TCP11: variants seen among roughly 807,000 people sequenced by gnomAD.
TCP11 encodes the protein t-complex 11, also known as T-complex protein 11 homolog.
A neutral mutation model predicts 45.0 loss-of-function variants in TCP11; 34 were observed. The ratio of observed to expected loss-of-function variants is 0.76; its 90% CI spans 0.57 to 1.01. The LOEUF (loss-of-function observed/expected upper bound fraction) is 1.01. Among genes scored for constraint, TCP11 ranks in the 50% least tolerant of loss-of-function variants. The probability of loss-of-function intolerance (pLI) is 0.00; values close to 1 mark genes in which losing one functional copy is unlikely to be tolerated. For missense variants in TCP11, 523 were observed against 598.1 expected, an observed-to-expected ratio of 0.87 and a Z score of 1.31; for synonymous variants, 227 against 227.0, an observed-to-expected ratio of 1.00 and a Z score of 0.00.
chr6:35,139,262 T>G (rs887055633), intron 2 of TCP11, among the ~76,000 whole-genome samples: 5 of 151,764 alleles, frequency 3.3e-5, no homozygotes, highest in African/African-American at 1.2e-4. Flanking sequence ...GTTGCAATTT[T>G]AAAAGGCAGG....
intron 3 of TCP11, among the ~76,000 whole-genome samples, chr6:35,133,481 C>T (rs910144176): frequency 3.3e-5 from 5 of 151,984 alleles, no homozygotes; most frequent in Non-Finnish European, 5.9e-5. Context: ...CTGTGCCTGA[C>T]CAAGAACTGT....
rs745917876 is a variant in TCP11, at chr6:35,136,236, T to C, written c.125-18A>G. 2 of 1,593,934 alleles carry C rather than the reference T, an allele frequency of 1.3e-6. No individual in the cohort carries two copies. Among genetic ancestry groups the C allele is most frequent in the Non-Finnish European group, 1.7e-6 (2 of 1,163,378 alleles). ...AGAAAGAACTGATGGTGGACAACAATGAGCCCATGCAAGTCTGAATTTCTA... is the reference window on the plus strand; with the variant it reads ...AGAAAGAACTGATGGTGGACAACAACGAGCCCATGCAAGTCTGAATTTCTA... On this transcript the variant is annotated intron_variant, in intron 2 of 9. Transcript: ENST00000311875.
chr6:35,119,437 G>A (rs1778990605), intron 8 of TCP11, 46 bp from the exon 9 acceptor site: 1 of 1,602,210 alleles, frequency 6.2e-7, no homozygotes. Context: ...GGTAACCCTG[G>A]CATAGGCCCA....
chr6:35,118,479 G>C lies in TCP11; in HGVS notation c.1302C>G (p.Leu434=). The C allele has an allele frequency of 1.2e-6, 2 of 1,613,994 alleles. No individual in the cohort carries two copies. Among genetic ancestry groups the C allele is most frequent in the Non-Finnish European group, 1.7e-6 (2 of 1,179,974 alleles). ...SVIDQRIHLF[L]KCCLVLGVQR... is the part of the protein sequence containing the mutation. ...GCACACCAAGAACCAAACAGCATTT[G>C]AGAAACAAATGGATCCGCTGATCTG... The change falls in exon 10 of 10, where the codon CTC becomes CTG. Residue 434 remains leucine (L), a synonymous_variant. Coordinates refer to ENST00000311875, the MANE Select transcript of TCP11 (RefSeq NM_001370687.1).
chr6:35,131,324 T>C (rs1340799400), intron 3 of TCP11, among the ~76,000 whole-genome samples: 2 of 151,300 alleles, frequency 1.3e-5, no homozygotes, highest in African/African-American at 2.4e-5. Flanking sequence ...TCCCAGCACT[T>C]TGGGGGGCCG....
intron 3 of TCP11, among the ~76,000 whole-genome samples, chr6:35,131,025 T>C (rs1271855250): frequency 6.6e-6 from 1 of 152,104 alleles, no homozygotes; most frequent in Non-Finnish European, 1.5e-5. Context: ...GATAAAAAAA[T>C]GATTTGGGAG....
intron 1 of TCP11, 124 bp downstream of exon 1, chr6:35,141,081 G>T: frequency 3.2e-6 from 4 of 1,245,900 alleles, no homozygotes; most frequent in Non-Finnish European, 4.1e-6. Flanking sequence ...CGGCAACGAG[G>T]AAACTAAAGC....
At chr6:35,130,142 T>A (rs1780236161) in intron 3 of TCP11, among the ~76,000 whole-genome samples, 1 of 151,932 alleles carries the variant, frequency 6.6e-6, no homozygotes, top group South Asian at 2.1e-4. Context: ...CAACTAGATA[T>A]CTAAATACAA....
In TCP11 at chr6:35,140,771, T is replaced by C; in HGVS notation, c.100A>G (p.Ser34Gly). ...CAGGGAGGGGGGTCCTCGGAGCCGC[T>C]CTTGTCTTCCTGGGGGGGTCCTGAG... Reference protein sequence around the residue: ...ETSGPPQEDKSGSEDPPPFLS... With the variant: ...ETSGPPQEDKGGSEDPPPFLS... The change falls in exon 2 of 10, where the codon AGC (serine) becomes GGC (glycine). Residue 34 changes from serine (S) to glycine (G), a missense_variant. Transcript: ENST00000311875. The C allele has an allele frequency of 6.5e-7, 1 of 1,530,784 alleles. No homozygotes were observed. The highest frequency in any genetic ancestry group is 1.3e-5 in the South Asian group (1 of 75,898). 94.8% of individuals were successfully genotyped at this position (1,530,784 alleles called of 1,614,324 possible).
In TCP11 at chr6:35,118,382, A is replaced by G; in HGVS notation, c.1399T>C (p.Phe467Leu). ...TGATTGTGATGTGTCAAGTTGACAA[A>G]CTTTTGGCCCAGTTCTGCCAGTTCT... Reference protein sequence around the residue: ...EAELAELGQKFVNLTHHNQQV... With the variant: ...EAELAELGQKLVNLTHHNQQV... Residue 467 changes from phenylalanine to leucine, a missense_variant, in exon 10 of 10, where the codon TTT becomes CTT. Phe to Leu is a conservative substitution (Grantham distance 22). Transcript: ENST00000311875. 5.6e-6 allele frequency: 9 copies of G among 1,614,136 alleles called. No individual in the cohort carries two copies. Among genetic ancestry groups the G allele is most frequent in the Non-Finnish European group, 7.6e-6 (9 of 1,180,014 alleles).
In TCP11 at chr6:35,140,141, A is replaced by C. The variant is rs1005442860; in HGVS notation, c.124+606T>G. 25 of 1,611,042 alleles carry C rather than the reference A, an allele frequency of 1.6e-5. No homozygotes were observed. The African/African-American group carries it at 3.1e-4, about 20-fold the overall frequency. ...TAATTCAGCCGCAAAGCCTCAATCTAATTTTTCGCATTTCAATAGTCAAGA... is the reference window on the plus strand; with the variant it reads ...TAATTCAGCCGCAAAGCCTCAATCTCATTTTTCGCATTTCAATAGTCAAGA... On this transcript the variant is annotated intron_variant, in intron 2 of 9. Coordinates refer to ENST00000311875, the MANE Select transcript of TCP11 (RefSeq NM_001370687.1).
chr6:35,124,200 C>T (rs1031742102), intron 4 of TCP11, among the ~76,000 whole-genome samples: 4 of 152,116 alleles, frequency 2.6e-5, no homozygotes, highest in African/African-American at 4.8e-5. Context: ...ACCCATATGT[C>T]GTGGGGGATG....
chr6:35,121,991 A>C (rs925832275), intron 5 of TCP11, 126 bp downstream of exon 5: 76 of 871,480 alleles, frequency 8.7e-5, no homozygotes, highest in Admixed American at 5.5e-4. Flanking sequence ...GGGGAGAAAA[A>C]GGGTGTTAGT....
In TCP11 at chr6:35,118,541, CAG is replaced by C. The variant is rs747833421; in HGVS notation, c.1280-42_1280-41del. On this transcript the variant is annotated intron_variant, in intron 9 of 9. Transcript: ENST00000311875. ...AGACACTGATAAGGGAAAAGGCAAA[CAG>C]ATTTCAGGGAGAAAATTCCCCCTGC... The C allele has an allele frequency of 1.9e-5, 30 of 1,578,910 alleles. No individual in the cohort carries two copies. The African/African-American group carries it at 3.8e-4, about 20-fold the overall frequency.
At chr6:35,139,525 T>C (rs2127694899) in intron 2 of TCP11, among the ~76,000 whole-genome samples, 1 of 152,276 alleles carries the variant, frequency 6.6e-6, no homozygotes, top group African/African-American at 2.4e-5. Context: ...TCAGCCAAAA[T>C]GGCAAAACAC....
At position 35,122,302 on chromosome 6, in the gene TCP11, G is replaced by A. The variant is rs1444236272; in HGVS notation, c.393C>T (p.Arg131=). ...LLSLLLPRQN[R]LRIEIEEALD... is the part of the protein sequence containing the mutation. ...GAGCTTCTTCAATCTCAATTCTCAG[G>A]CGGTTCTGGCGTGGTAATAGCAGTG... Residue 131 remains arginine (R), a synonymous_variant, in exon 5 of 10, where the codon CGC becomes CGT. Transcript: ENST00000311875. 1.9e-6 allele frequency: 3 copies of A among 1,613,958 alleles called. No individual in the cohort carries two copies. The highest frequency in any genetic ancestry group is 2.5e-6 in the Non-Finnish European group (3 of 1,180,024).
intron 2 of TCP11, among the ~76,000 whole-genome samples, chr6:35,138,679 C>G (rs1476795819): frequency 6.6e-6 from 1 of 151,956 alleles, no homozygotes; most frequent in Non-Finnish European, 1.5e-5. Context: ...TTTGAGAGAA[C>G]AGAATGACTG....
chr6:35,141,169 C>A (rs1781733552), intron 1 of TCP11, 36 bp downstream of exon 1: 17 of 1,331,582 alleles, frequency 1.3e-5, no homozygotes, highest in Non-Finnish European at 1.6e-5. Flanking sequence ...GCCCGAAACG[C>A]CGGCCCAGGC....
At chr6:35,125,783 G>A (rs1581817018) in intron 4 of TCP11, among the ~76,000 whole-genome samples, 2 of 152,168 alleles carry the variant, frequency 1.3e-5, no homozygotes, top group Admixed American at 1.3e-4. Flanking sequence ...ACAGATGTAT[G>A]AACAAAATGT....
Sources: gnomAD v4.1 joint callset for allele counts (sites outside exome capture counted in the v4.1 genomes callset) on GRCh38, gnomAD v4.1.1 for gene constraint, MANE v1.5 for transcripts, NCBI Gene and HGNC (gene_info 2026-07-23, HGNC 2026-07-21) for gene names.